The following UBE2F variants were observed in gnomAD, a reference collection of about 807,000 sequenced individuals.
The protein encoded by UBE2F is ubiquitin conjugating enzyme E2 F (putative).
Under a neutral mutation model 29.6 loss-of-function variants are expected in UBE2F, and 5 were observed. The ratio of observed to expected loss-of-function variants is 0.17; its 90% confidence interval spans 0.09 to 0.36. UBE2F has a LOEUF of 0.36. Ranked by LOEUF, UBE2F falls within the 10% of genes least tolerant of loss-of-function variation. UBE2F has a pLI of 1.00. For missense variants in UBE2F, 141 were observed against 228.5 expected (o/e 0.62, Z 2.47); for synonymous variants, 66 against 81.8 (o/e 0.81, Z 1.04).
intron 4 of UBE2F, among the ~76,000 whole-genome samples, chr2:238,006,567 A>G (rs2063911263): frequency 6.6e-6 from 1 of 152,110 alleles, no homozygotes; most frequent in Non-Finnish European, 1.5e-5. Context: ...TAGTAGTTGT[A>G]TTGTGGATTC....
At chr2:238,001,355 G>A (rs954216951) in intron 4 of UBE2F, among the ~76,000 whole-genome samples, 6 of 151,934 alleles carry the variant, frequency 3.9e-5, no homozygotes, top group African/African-American at 1.4e-4. Flanking sequence ...TAAGTTGTAA[G>A]CTTTCCTTAT....
At chr2:237,980,261 C>G (rs2063353533) in intron 2 of UBE2F, among the ~76,000 whole-genome samples, 3 of 152,192 alleles carry the variant, frequency 2.0e-5, no homozygotes, top group Non-Finnish European at 4.4e-5. Flanking sequence ...GTGTGACCAG[C>G]CTTTTGTCTT....
chr2:238,023,206 A>C (rs1438963167), intron 5 of UBE2F, among the ~76,000 whole-genome samples: 1 of 152,254 alleles, frequency 6.6e-6, no homozygotes, highest in Non-Finnish European at 1.5e-5. Flanking sequence ...GGGGGCACAG[A>C]GCCCTGCCCC....
intron 5 of UBE2F, among the ~76,000 whole-genome samples, chr2:238,023,329 G>A (rs1162964448): frequency 6.6e-6 from 1 of 152,212 alleles, no homozygotes; most frequent in African/African-American, 2.4e-5. Context: ...AGCACAATGT[G>A]AAATTTATTT....
intron 3 of UBE2F, among the ~76,000 whole-genome samples, chr2:237,988,615 TAA>T (rs35898026): frequency 3.5e-4 from 45 of 127,936 alleles, no homozygotes; most frequent in Admixed American, 4.7e-4. Context: ...GACTCTGTCT[TAA>T]AAAAAAAAAA....
intron 4 of UBE2F, among the ~76,000 whole-genome samples, chr2:238,001,159 A>G (rs1339071109): frequency 1.3e-5 from 2 of 148,730 alleles, no homozygotes; most frequent in East Asian, 2.0e-4. Flanking sequence ...TCAGCCTCCC[A>G]AGTAGCTGGG....
chr2:237,978,427 C>G (rs541632539), intron 2 of UBE2F, among the ~76,000 whole-genome samples: 2 of 152,264 alleles, frequency 1.3e-5, no homozygotes, highest in South Asian at 4.1e-4. Context: ...CAACAGAGGC[C>G]CCTTCTTTTT....
At chr2:238,009,879 A>C (rs1184460460) in intron 4 of UBE2F, among the ~76,000 whole-genome samples, 2 of 152,218 alleles carry the variant, frequency 1.3e-5, no homozygotes, top group Non-Finnish European at 2.9e-5. Context: ...TTACTCTTTG[A>C]AATGTTTCCA....
At chr2:238,030,865 C>T (rs1364452512) in intron 7 of UBE2F, among the ~76,000 whole-genome samples, 3 of 152,274 alleles carry the variant, frequency 2.0e-5, no homozygotes, top group Admixed American at 1.3e-4. Context: ...GGAGCCCAAA[C>T]TGCAGGCTTC....
intron 4 of UBE2F, among the ~76,000 whole-genome samples, chr2:237,997,855 AT>A (rs1267921802): frequency 6.6e-6 from 1 of 152,240 alleles, no homozygotes; most frequent in Admixed American, 6.6e-5. Flanking sequence ...AAGGGACCGA[AT>A]TTAGAAAAAA....
chr2:238,039,781 T>A (rs2064799768), intron 9 of UBE2F, among the ~76,000 whole-genome samples: 1 of 152,200 alleles, frequency 6.6e-6, no homozygotes, highest in Non-Finnish European at 1.5e-5. Flanking sequence ...CCGGGCTCTA[T>A]GCTGGCTGAG....
chr2:238,023,997 G>A (rs1358488056), intron 5 of UBE2F, among the ~76,000 whole-genome samples: 2 of 152,172 alleles, frequency 1.3e-5, no homozygotes, highest in Admixed American at 6.5e-5. Flanking sequence ...GTAGGGAAGT[G>A]CCTATTAAAC....
chr2:237,973,185 G>A lies in UBE2F; in HGVS notation c.78G>A (p.Ser26=), dbSNP rs201244430. The A allele has an allele frequency of 2.7e-5, 44 of 1,613,988 alleles. No individual in the cohort carries two copies. Among genetic ancestry groups the A allele is most frequent in the African/African-American group, 9.3e-5 (7 of 75,042 alleles). Residue 26 remains serine, a synonymous_variant, in exon 2 of 10, where the codon TCG becomes TCA. Coordinates refer to ENST00000272930, the MANE Select transcript of UBE2F (RefSeq NM_080678.3). ...GGACGGCAGCCACAGCGTCCGACTCGACTCGGAGGGTTTCTGTGAGAGACA... is the reference window on the plus strand; with the variant it reads ...GGACGGCAGCCACAGCGTCCGACTCAACTCGGAGGGTTTCTGTGAGAGACA... The part of the protein sequence containing the change: ...GSRTAATASD[S]TRRVSVRDKL...
At chr2:237,990,044 G>C (rs1358417432) in intron 3 of UBE2F, among the ~76,000 whole-genome samples, 1 of 149,392 alleles carries the variant, frequency 6.7e-6, no homozygotes, top group Non-Finnish European at 1.5e-5. Flanking sequence ...CTTGAACCCA[G>C]GAGGCGGAGG....
At chr2:238,011,805 G>C (rs1201282980) in intron 4 of UBE2F, among the ~76,000 whole-genome samples, 1 of 152,150 alleles carries the variant, frequency 6.6e-6, no homozygotes, top group Non-Finnish European at 1.5e-5. Context: ...AGATTAGATG[G>C]GCATGGAAAG....
rs576761676 is a variant in UBE2F, at chr2:238,019,365, G to A, written c.282+2732G>A. 1.7e-4 allele frequency among the ~76,000 whole-genome samples: 26 copies of A among 151,898 alleles called. No homozygotes were observed. The South Asian group carries it at 3.5e-3, about 21-fold the overall frequency. Reference sequence around the variant, plus strand: ...GGTCCTTTCCTCTCCTTTCCCCAGCGTTTCCTTCCTGTCCCCCCTGCCTTT... The same window carrying A: ...GGTCCTTTCCTCTCCTTTCCCCAGCATTTCCTTCCTGTCCCCCCTGCCTTT... On this transcript the variant is annotated intron_variant, in intron 5 of 9. Coordinates refer to ENST00000272930, the MANE Select transcript of UBE2F (RefSeq NM_080678.3).
At chr2:238,034,578 CAT>C (rs1386399187) in intron 8 of UBE2F, among the ~76,000 whole-genome samples, 4 of 152,156 alleles carry the variant, frequency 2.6e-5, no homozygotes, top group Non-Finnish European at 5.9e-5. Flanking sequence ...TTAGGTCTAA[CAT>C]ATAGTAAAGA....
At chr2:237,975,721 C>G (rs2063267580) in intron 2 of UBE2F, among the ~76,000 whole-genome samples, 1 of 152,044 alleles carries the variant, frequency 6.6e-6, no homozygotes, top group Non-Finnish European at 1.5e-5. Flanking sequence ...CCACTGCAAC[C>G]TTCACCTCCT....
rs940090008 is a variant in UBE2F, at chr2:238,042,448, C to T, written c.*1110C>T. ...GGTGAGCCTCCTAGGCCTTGGAGGA[C>T]CAGGAGTCAACAGTGGCATATGCCA... On this transcript the variant is annotated 3_prime_UTR_variant, in exon 10 of 10. Transcript: ENST00000272930. 4.8e-4 allele frequency: 73 copies of T among 152,210 alleles called. 2 individuals are homozygous for T. Among genetic ancestry groups the T allele is most frequent in the African/African-American group, 1.8e-3 (73 of 41,432 alleles). 9.4% of individuals were successfully genotyped at this position (152,210 alleles called of 1,614,324 possible). A position where few individuals can be genotyped will look rare whatever the true frequency, so the allele number is the denominator to read the frequency against.
Sources: gnomAD v4.1 joint callset for allele counts (sites outside exome capture counted in the v4.1 genomes callset) on GRCh38, gnomAD v4.1.1 for gene constraint, MANE v1.5 for transcripts, NCBI Gene and HGNC (gene_info 2026-07-23, HGNC 2026-07-21) for gene names.